DNAH3: variants seen among roughly 807,000 people sequenced by gnomAD.
DNAH3 encodes the protein dynein axonemal heavy chain 3, also known as axonemal beta dynein heavy chain 3.
A neutral mutation model predicts 432.5 loss-of-function variants in DNAH3; 332 were observed. The observed-to-expected ratio is 0.77, with a 90% CI of 0.70 to 0.84. The LOEUF (loss-of-function observed/expected upper bound fraction) is 0.84. Among genes scored for constraint, DNAH3 ranks in the 40% least tolerant of loss-of-function variants. The pLI, the probability that DNAH3 is intolerant of heterozygous loss-of-function variation, is 0.00. For synonymous variants in DNAH3, 1,956 were observed against 1,900.2 expected, an observed-to-expected ratio of 1.03 and a Z score of -0.76; for missense variants, 4,861 against 5,114.0, an observed-to-expected ratio of 0.95 and a Z score of 1.51.
At chr16:21,013,741 CT>C (rs1388661869) in intron 41 of DNAH3, among the ~76,000 whole-genome samples, 3 of 115,720 alleles carry the variant, frequency 2.6e-5, no homozygotes, top group East Asian at 2.6e-4. Flanking sequence ...AAAAAAAAAA[CT>C]AAAAAAATGA....
chr16:21,086,825 G>T lies in DNAH3; in HGVS notation c.2877+24C>A, dbSNP rs747250518. On this transcript the variant is annotated intron_variant, in intron 19 of 61. Coordinates refer to ENST00000261383, the Ensembl canonical transcript of DNAH3. ...GCCAGGCCTGGGCTGCGCTGCTTGG[G>T]GGCGGGCAGTGATTGATAGAAACCT... The T allele has an allele frequency of 4.4e-6, 7 of 1,607,146 alleles. No individual in the cohort carries two copies. The South Asian group carries it at 5.5e-5, about 13-fold the overall frequency.
intron 1 of DNAH3, among the ~76,000 whole-genome samples, chr16:21,152,782 T>C (rs369062591): frequency 1.1e-4 from 16 of 152,316 alleles, no homozygotes; most frequent in Non-Finnish European, 2.1e-4. Flanking sequence ...CCAGCAGTGC[T>C]AGCCCACCGG....
rs769946137 is a variant in DNAH3, at chr16:21,086,763, C to G, written c.2877+86G>C. 25 of 1,184,744 alleles carry G rather than the reference C, an allele frequency of 2.1e-5. 1 individual carries two copies. The highest frequency in any genetic ancestry group is 4.6e-4 in the Middle Eastern group (2 of 4,328). 73.4% of individuals were successfully genotyped at this position (1,184,744 alleles called of 1,614,324 possible). ...CTCCTTTCGGAAAGGAGAAGCTTGA[C>G]CTAGTAATGTTTCCTGCCTTCCCAA... On this transcript the variant is annotated intron_variant, in intron 19 of 61. Coordinates refer to ENST00000261383, the Ensembl canonical transcript of DNAH3.
At chr16:21,106,447 T>C (rs780389406) in intron 15 of DNAH3, 43 bp downstream of exon 15, 2 of 1,453,694 alleles carry the variant, frequency 1.4e-6, no homozygotes, top group Non-Finnish European at 1.9e-6. Context: ...AAAATATACA[T>C]ATAGGTATGC....
intron 41 of DNAH3, among the ~76,000 whole-genome samples, chr16:21,015,789 A>T (rs1168404004): frequency 6.6e-6 from 1 of 152,076 alleles, no homozygotes; most frequent in East Asian, 1.9e-4. Flanking sequence ...AAATTGCTTG[A>T]GATTTTTTAT....
intron 37 of DNAH3, among the ~76,000 whole-genome samples, chr16:21,027,423 CATCTACACATACATAT>C (rs1053645697): frequency 2.3e-4 from 35 of 150,834 alleles, no homozygotes; most frequent in African/African-American, 7.8e-4. Context: ...GAGGGGGTTG[CATCTACACATACATAT>C]ATCTACACAT....
chr16:21,035,251 T>G (rs1317442925), intron 35 of DNAH3, among the ~76,000 whole-genome samples: 1 of 152,142 alleles, frequency 6.6e-6, no homozygotes, highest in Non-Finnish European at 1.5e-5. Flanking sequence ...CGCTTGAGCC[T>G]GGGAGGTGGA....
chr16:21,083,097 A>G (rs1269204177), intron 19 of DNAH3, among the ~76,000 whole-genome samples: 2 of 150,956 alleles, frequency 1.3e-5, no homozygotes. Flanking sequence ...GCTCACTGCA[A>G]CCTCTGTCTC....
intron 49 of DNAH3, among the ~76,000 whole-genome samples, chr16:20,981,435 CAACA>C (rs1373088113): frequency 2.5e-4 from 38 of 152,262 alleles, no homozygotes; most frequent in African/African-American, 7.9e-4. Context: ...TCCATTAATT[CAACA>C]AACAGTGATT....
At chr16:21,079,164 T>C (rs1022830162) in intron 20 of DNAH3, among the ~76,000 whole-genome samples, 2 of 152,242 alleles carry the variant, frequency 1.3e-5, no homozygotes, top group African/African-American at 4.8e-5. Context: ...TGCCTGGTAA[T>C]GGAAGCCTGC....
intron 37 of DNAH3, 131 bp from the exon 38 acceptor site, chr16:21,027,258 A>G (rs965801496): frequency 8.8e-6 from 6 of 678,404 alleles, no homozygotes; most frequent in Non-Finnish European, 1.6e-5. Context: ...ATGATGTCCC[A>G]GGCACTGTTA....
intron 57 of DNAH3, among the ~76,000 whole-genome samples, chr16:20,947,429 T>C (rs1051383810): frequency 2.0e-5 from 3 of 152,208 alleles, no homozygotes; most frequent in Non-Finnish European, 2.9e-5. Context: ...TTGAATTAAT[T>C]TCAATTAAAG....
At chr16:21,058,041 T>C (rs758145086) in intron 27 of DNAH3, 45 bp downstream of exon 27, 18 of 1,123,282 alleles carry the variant, frequency 1.6e-5, no homozygotes, top group South Asian at 2.5e-5. Flanking sequence ...CAAATCCTAA[T>C]TGATGCTTGG....
At chr16:20,988,566 G>A (rs906118294) in intron 44 of DNAH3, among the ~76,000 whole-genome samples, 3 of 152,310 alleles carry the variant, frequency 2.0e-5, no homozygotes, top group Admixed American at 1.3e-4. Flanking sequence ...AGGCCTCCCA[G>A]AGTGCTGTGA....
At chr16:20,992,880 C>T (rs978994765) in intron 44 of DNAH3, among the ~76,000 whole-genome samples, 3 of 152,014 alleles carry the variant, frequency 2.0e-5, no homozygotes, top group Admixed American at 1.3e-4. Context: ...TTGATTCATT[C>T]GTTGAGACAG....
At chr16:21,117,444 C>T (rs2092231576) in intron 11 of DNAH3, 105 bp from the exon 12 acceptor site, 2 of 691,834 alleles carry the variant, frequency 2.9e-6, no homozygotes, top group Non-Finnish European at 5.1e-6. Context: ...CTGCCAGCTG[C>T]ATTTTTACTC....
At chr16:21,045,072 T>C (rs927036792) in intron 31 of DNAH3, among the ~76,000 whole-genome samples, 4 of 152,186 alleles carry the variant, frequency 2.6e-5, no homozygotes, top group African/African-American at 9.7e-5. Flanking sequence ...TGGATTCGGT[T>C]TGCCAGTATT....
rs757706864 is a variant in DNAH3, at chr16:21,106,717, C to G, written c.2100-43G>C. ...CCATTGTTATCATCATCATCATCAC[C>G]ATCATCACCATCTAAAATGACTTTC... On this transcript the variant is annotated intron_variant, in intron 14 of 61. Transcript: ENST00000261383. 36 of 1,363,264 alleles carry G rather than the reference C, an allele frequency of 2.6e-5. No homozygotes were observed. In the African/African-American group the frequency reaches 4.7e-4, roughly 18 times the overall value. The allele number at this position is 1,363,264 out of a possible 1,614,324, so 84.4% of individuals were successfully genotyped here.
intron 16 of DNAH3, among the ~76,000 whole-genome samples, chr16:21,100,682 T>A (rs2091815538): frequency 6.6e-6 from 1 of 152,178 alleles, no homozygotes; most frequent in African/African-American, 2.4e-5. Flanking sequence ...CGTGTAAATA[T>A]CACATAACTT....
Sources: gnomAD v4.1 joint callset for allele counts (sites outside exome capture counted in the v4.1 genomes callset) on GRCh38, gnomAD v4.1.1 for gene constraint, MANE v1.5 for transcripts, NCBI Gene and HGNC (gene_info 2026-07-23, HGNC 2026-07-21) for gene names.